Variants in DDR2 observed in about 807,000 individuals in gnomAD.
The protein encoded by DDR2 is discoidin domain-containing receptor 2.
Under a neutral mutation model 94.9 loss-of-function variants are expected in DDR2, and 27 were observed. The ratio of observed to expected loss-of-function variants is 0.28; its 90% CI spans 0.21 to 0.39. The LOEUF is 0.39. Among genes scored for constraint, DDR2 ranks in the 10% least tolerant of loss-of-function variants. The pLI, the probability that DDR2 is intolerant of heterozygous loss-of-function variation, is 1.00. For synonymous variants in DDR2, 382 were observed against 377.2 expected (o/e 1.01, Z -0.15); for missense variants, 783 against 1,076.0 (o/e 0.73, Z 3.81).
chr1:162,735,427 C>T (rs764866968), intron 3 of DDR2, among the ~76,000 whole-genome samples: 1 of 152,156 alleles, frequency 6.6e-6, no homozygotes, highest in Non-Finnish European at 1.5e-5. Context: ...GTGGTTAATA[C>T]ACTGTTTGCT....
chr1:162,686,635 G>T (rs1659702578), intron 2 of DDR2, among the ~76,000 whole-genome samples: 1 of 152,206 alleles, frequency 6.6e-6, no homozygotes, highest in Non-Finnish European at 1.5e-5. Flanking sequence ...CATTTGGGTT[G>T]ATTCCAAGTT....
intron 1 of DDR2, among the ~76,000 whole-genome samples, chr1:162,642,042 C>A (rs1357492999): frequency 6.6e-6 from 1 of 152,156 alleles, no homozygotes; most frequent in East Asian, 1.9e-4. Flanking sequence ...CCTCTGCCTC[C>A]TGGGTTCAAG....
chr1:162,725,757 G>A lies in DDR2; in HGVS notation c.82+6612G>A, dbSNP rs183633071. On this transcript the variant is annotated intron_variant, in intron 3 of 17. Transcript: ENST00000367921. Reference sequence around the variant, plus strand: ...AAACCCAGATTCATGGACCAGCCACGAATGGGCTACAGAGACCCGTGAATC... The same window carrying A: ...AAACCCAGATTCATGGACCAGCCACAAATGGGCTACAGAGACCCGTGAATC... 8.5e-5 allele frequency among the ~76,000 whole-genome samples: 13 copies of A among 152,330 alleles called. No homozygotes were observed. In the East Asian group the frequency reaches 1.5e-3, roughly 18 times the overall value.
rs545029795 is a variant in DDR2 at position 162,757,641 on chromosome 1, T to C, written c.671+1872T>C. ...ACATTATCATTAATGTAATGAGTCA[T>C]TGAAGATTTTTAAAGCTGAGGAAGG... On this transcript the variant is annotated intron_variant, in intron 7 of 17. Coordinates refer to ENST00000367921, the MANE Select transcript of DDR2 (RefSeq NM_006182.4). Among the ~76,000 whole-genome samples, 24 of 152,270 alleles carry C rather than the reference T, an allele frequency of 1.6e-4. No homozygotes were observed. In the South Asian group the frequency reaches 2.3e-3, roughly 14 times the overall value.
chr1:162,704,018 C>G (rs925881420), intron 2 of DDR2, among the ~76,000 whole-genome samples: 5 of 152,184 alleles, frequency 3.3e-5, no homozygotes, highest in African/African-American at 1.2e-4. Flanking sequence ...CTTCATTTGA[C>G]TTTAGACCTT....
rs2102207364 is a variant in DDR2, at chr1:162,778,739, G to A, written c.2433+10G>A. On this transcript the variant is annotated intron_variant, in intron 17 of 17. Transcript: ENST00000367921. ...AGACCAAGGGAGGCAGGTAAGAACTGTTGGGGATGAATGGATGTGGACCTG... is the reference window on the plus strand; with the variant it reads ...AGACCAAGGGAGGCAGGTAAGAACTATTGGGGATGAATGGATGTGGACCTG... 3 of 1,613,770 alleles carry A rather than the reference G, an allele frequency of 1.9e-6. No individual in the cohort carries two copies. Among genetic ancestry groups the A allele is most frequent in the Non-Finnish European group, 2.5e-6 (3 of 1,179,758 alleles).
At chr1:162,726,853 C>G (rs537444554) in intron 3 of DDR2, among the ~76,000 whole-genome samples, 2 of 151,984 alleles carry the variant, frequency 1.3e-5, no homozygotes, top group African/African-American at 4.8e-5. Flanking sequence ...TAGGTCCGTG[C>G]ATCACTGCTG....
At chr1:162,680,571 A>G (rs1354214830) in intron 2 of DDR2, among the ~76,000 whole-genome samples, 1 of 152,188 alleles carries the variant, frequency 6.6e-6, no homozygotes, top group African/African-American at 2.4e-5. Context: ...GTCGAGTAAC[A>G]TGATACCTCC....
At chr1:162,737,716 T>A (rs1264923663) in intron 3 of DDR2, among the ~76,000 whole-genome samples, 1 of 114,294 alleles carries the variant, frequency 8.7e-6, no homozygotes, top group Non-Finnish European at 1.8e-5. Flanking sequence ...TAGTTCTAGA[T>A]CCCTGAGGAA....
At chr1:162,713,495 T>C (rs1416396835) in intron 2 of DDR2, among the ~76,000 whole-genome samples, 1 of 152,230 alleles carries the variant, frequency 6.6e-6, no homozygotes, top group Non-Finnish European at 1.5e-5. Flanking sequence ...CCTAACTCTG[T>C]CTTGGAGGGA....
At position 162,652,275 on chromosome 1, in the gene DDR2, C is replaced by A. The variant is rs528309222; in HGVS notation, c.-191-2936C>A. Among the ~76,000 whole-genome samples the A allele has an allele frequency of 5.9e-5, 9 of 152,264 alleles. No individual in the cohort carries two copies. The South Asian group carries it at 1.9e-3, about 32-fold the overall frequency. On this transcript the variant is annotated intron_variant, in intron 1 of 17. Coordinates refer to ENST00000367921, the MANE Select transcript of DDR2 (RefSeq NM_006182.4). The stretch of plus-strand genomic sequence containing the variant: ...CGGGGTTTTCTGTATGCCTTATGGA[C>A]CTACAAATGCAAACCACACTGACCA...
At chr1:162,772,510 C>A in intron 13 of DDR2, 1 of 473,004 alleles carries the variant, frequency 2.1e-6, no homozygotes, top group South Asian at 2.1e-5. Context: ...GAAAAACATT[C>A]AATATTTTCA....
At position 162,692,136 on chromosome 1, in the gene DDR2, A is replaced by C. The variant is rs12563679; in HGVS notation, c.-27-26901A>C. On this transcript the variant is annotated intron_variant, in intron 2 of 17. Coordinates refer to ENST00000367921, the MANE Select transcript of DDR2 (RefSeq NM_006182.4). ...CCTTCTGCTCTAGTGAGTCCAGCCC[A>C]GTGTTTTCAGTCTTGAGAGCACATC... Among the ~76,000 whole-genome samples, 1,581 of 152,298 alleles carry C rather than the reference A, an allele frequency of 0.01. 85 individuals carry two copies. The East Asian group carries it at 0.15, about 15-fold the overall frequency.
intron 3 of DDR2, among the ~76,000 whole-genome samples, chr1:162,730,327 G>A (rs1291105172): frequency 6.6e-6 from 1 of 152,122 alleles, no homozygotes; most frequent in East Asian, 1.9e-4. Flanking sequence ...GCAGGGGAGG[G>A]TGAGGCCTTC....
At chr1:162,730,212 G>T (rs1027555872) in intron 3 of DDR2, among the ~76,000 whole-genome samples, 2 of 152,024 alleles carry the variant, frequency 1.3e-5, no homozygotes, top group African/African-American at 4.8e-5. Flanking sequence ...AATGAACCGA[G>T]GCCATTTCAG....
chr1:162,705,421 G>T (rs1660617554), intron 2 of DDR2, among the ~76,000 whole-genome samples: 1 of 152,210 alleles, frequency 6.6e-6, no homozygotes, highest in African/African-American at 2.4e-5. Flanking sequence ...ATGAACTCGG[G>T]CTGCCCGTTG....
At position 162,738,070 on chromosome 1, in the gene DDR2, C is replaced by T. The variant is rs1283777351; in HGVS notation, c.83-15025C>T. 6.5e-3 allele frequency among the ~76,000 whole-genome samples: 974 copies of T among 150,578 alleles called. 9 individuals are homozygous for T. The highest frequency in any genetic ancestry group is 0.023 in the African/African-American group (927 of 40,708). ...ACAAGACAGGGATGCCCTCTCTCAC[C>T]GCTCCTATTCAACATTGTGTTGGAA... On this transcript the variant is annotated intron_variant, in intron 3 of 17. Coordinates refer to ENST00000367921, the MANE Select transcript of DDR2 (RefSeq NM_006182.4).
At chr1:162,631,437 G>A (rs1656555614), upstream of DDR2, 1 of 152,132 alleles carries the variant, frequency 6.6e-6, no homozygotes, top group African/African-American at 2.4e-5. Flanking sequence ...CAAGAAGTCT[G>A]GCTCTCAAAG....
intron 2 of DDR2, among the ~76,000 whole-genome samples, chr1:162,698,437 C>T (rs1415759963): frequency 3.3e-5 from 5 of 152,200 alleles, no homozygotes; most frequent in East Asian, 1.9e-4. Flanking sequence ...TGTCTTATCT[C>T]GCTGCCACTT....
Sources: allele counts gnomAD v4.1 joint callset (sites outside exome capture counted in the v4.1 genomes callset), GRCh38; gene constraint gnomAD v4.1.1; transcripts MANE v1.5; gene names NCBI Gene and HGNC (gene_info 2026-07-23, HGNC 2026-07-21).